IGSF11: variants seen among roughly 807,000 people sequenced by gnomAD.
The protein encoded by IGSF11 is CXADR like 1.
A neutral mutation model predicts 41.0 loss-of-function variants in IGSF11; 22 were observed. The observed-to-expected ratio is 0.54, with a 90% CI of 0.38 to 0.77. The LOEUF is 0.77. IGSF11 is among the 30% of genes least tolerant of loss of function. The pLI is 0.00. For synonymous variants in IGSF11, 219 were observed against 201.3 expected, an observed-to-expected ratio of 1.09 and a Z score of -0.74; for missense variants, 444 against 530.8, an observed-to-expected ratio of 0.84 and a Z score of 1.61.
At chr3:118,932,165 T>A (rs1942916297) in intron 1 of IGSF11, among the ~76,000 whole-genome samples, 1 of 152,214 alleles carries the variant, frequency 6.6e-6, no homozygotes, top group Admixed American at 6.5e-5. Flanking sequence ...ATAACTGTTT[T>A]CTCTTCTGCA....
chr3:119,025,138 G>A (rs941377917), intron 1 of IGSF11, among the ~76,000 whole-genome samples: 4 of 152,138 alleles, frequency 2.6e-5, no homozygotes, highest in Non-Finnish European at 5.9e-5. Flanking sequence ...GAGGGGGAGA[G>A]AGAGAGGAAA....
intron 4 of IGSF11, among the ~76,000 whole-genome samples, chr3:118,920,473 T>C (rs999470131): frequency 2.6e-5 from 4 of 152,078 alleles, no homozygotes; most frequent in Non-Finnish European, 5.9e-5. Flanking sequence ...AATCCAGATA[T>C]ATGTTGTTTA....
chr3:119,023,836 G>A (rs186365316), intron 1 of IGSF11, among the ~76,000 whole-genome samples: 7 of 152,268 alleles, frequency 4.6e-5, no homozygotes, highest in African/African-American at 1.4e-4. Flanking sequence ...GCTGAAGACT[G>A]CAAATTATTT....
At chr3:119,039,721 G>T (rs1207130834), upstream of IGSF11, among the ~76,000 whole-genome samples, 2 of 152,088 alleles carry the variant, frequency 1.3e-5, no homozygotes, top group Non-Finnish European at 2.9e-5. Flanking sequence ...GAATAGGCAG[G>T]AACATGTTTG....
At chr3:119,129,561 T>G (rs2077449937) in intron 1 of IGSF11, among the ~76,000 whole-genome samples, 1 of 152,198 alleles carries the variant, frequency 6.6e-6, no homozygotes, top group South Asian at 2.1e-4. Context: ...TGTAGAGATT[T>G]TATTAGTTTT....
intron 1 of IGSF11, among the ~76,000 whole-genome samples, chr3:119,001,930 A>C (rs954481980): frequency 1.5e-5 from 2 of 136,902 alleles, no homozygotes; most frequent in Non-Finnish European, 3.1e-5. Flanking sequence ...CGCAATAAAC[A>C]TAAGTGTGCA....
At chr3:119,046,959 C>T (rs981226757) in intron 1 of IGSF11, among the ~76,000 whole-genome samples, 1 of 144,680 alleles carries the variant, frequency 6.9e-6, no homozygotes, top group Non-Finnish European at 1.5e-5. Flanking sequence ...GAGATTTTGT[C>T]AACACCAGGC....
chr3:119,010,541 A>C (rs1576635423), intron 1 of IGSF11, among the ~76,000 whole-genome samples: 1 of 152,198 alleles, frequency 6.6e-6, no homozygotes, highest in African/African-American at 2.4e-5. Context: ...CGAAATAAAA[A>C]CAAAAGGCAG....
Position 118,901,516 on chromosome 3 carries a change from C to G in IGSF11, c.*1004G>C, listed in dbSNP as rs1237003058. ...AAGTTACATACCTCAGTACAAAAGGCATCAGGTGCTGCCCTCATTAATAGT... is the reference window on the plus strand; with the variant it reads ...AAGTTACATACCTCAGTACAAAAGGGATCAGGTGCTGCCCTCATTAATAGT... On this transcript the variant is annotated 3_prime_UTR_variant, in exon 7 of 7. Coordinates refer to ENST00000393775, the MANE Select transcript of IGSF11 (RefSeq NM_001015887.3). 6.6e-6 allele frequency: 1 copy of G among 152,182 alleles called. No homozygotes were observed. Among genetic ancestry groups the G allele is most frequent in the Non-Finnish European group, 1.5e-5 (1 of 68,030 alleles). 9.4% of individuals were successfully genotyped at this position (152,182 alleles called of 1,614,324 possible). A position where few individuals can be genotyped will look rare whatever the true frequency, so the allele number is the denominator to read the frequency against.
chr3:118,911,914 G>A (rs747751411), intron 4 of IGSF11, among the ~76,000 whole-genome samples: 5 of 132,100 alleles, frequency 3.8e-5, no homozygotes, highest in Non-Finnish European at 6.7e-5. Flanking sequence ...CTATAGCTAT[G>A]ATCTCTAAAG....
intron 3 of IGSF11, among the ~76,000 whole-genome samples, 168 bp downstream of exon 3, chr3:118,928,341 G>GA (rs1220881336): frequency 6.6e-6 from 1 of 152,182 alleles, no homozygotes; most frequent in Non-Finnish European, 1.5e-5. Context: ...AAAGGAGGGG[G>GA]AGACTATCTG....
chr3:119,008,635 G>A lies in IGSF11; in HGVS notation c.52+25896C>T, dbSNP rs1262951305. 2.0e-5 allele frequency among the ~76,000 whole-genome samples: 3 copies of A among 152,182 alleles called. No individual in the cohort carries two copies. In the East Asian group the frequency reaches 5.8e-4, roughly 29 times the overall value. On this transcript the variant is annotated intron_variant, in intron 1 of 6. Coordinates refer to ENST00000393775, the MANE Select transcript of IGSF11 (RefSeq NM_001015887.3). ...GTGATTCTGAATAAGTCCACAGAGT[G>A]TTCCTGAATTAGGGTATAATCTCTT... is the stretch of plus-strand genomic sequence containing the variant.
chr3:118,918,984 A>G, intron 4 of IGSF11, among the ~76,000 whole-genome samples: 1 of 116,848 alleles, frequency 8.6e-6, no homozygotes, highest in South Asian at 3.6e-4. Context: ...TCTTTGACAA[A>G]CCTGAGAAAA....
At chr3:118,956,750 GAAT>G (rs1354670235) in intron 1 of IGSF11, among the ~76,000 whole-genome samples, 1 of 152,128 alleles carries the variant, frequency 6.6e-6, no homozygotes, top group African/African-American at 2.4e-5. Context: ...AATAGACAGA[GAAT>G]AATGAGAAAG....
chr3:118,910,721 G>A (rs568173829), intron 4 of IGSF11, among the ~76,000 whole-genome samples: 30 of 152,112 alleles, frequency 2.0e-4, no homozygotes, highest in African/African-American at 6.3e-4. Flanking sequence ...AAATCCCCAC[G>A]AACCTTTATG....
At chr3:119,124,185 CAA>C (rs1559881024) in intron 1 of IGSF11, among the ~76,000 whole-genome samples, 1 of 146,232 alleles carries the variant, frequency 6.8e-6, no homozygotes, top group Non-Finnish European at 1.5e-5. Context: ...ATAAATTTAA[CAA>C]AGAGATTGAA....
intron 1 of IGSF11, among the ~76,000 whole-genome samples, chr3:119,023,016 C>G (rs1255282710): frequency 6.6e-6 from 1 of 151,900 alleles, no homozygotes; most frequent in African/African-American, 2.4e-5. Context: ...AACCCCCGCA[C>G]TTTGGGAGGT....
chr3:118,956,466 T>A (rs1356129783), intron 1 of IGSF11, among the ~76,000 whole-genome samples: 1 of 152,178 alleles, frequency 6.6e-6, no homozygotes, highest in Non-Finnish European at 1.5e-5. Context: ...AGCTCTTCCC[T>A]TTCACTTGAA....
intron 1 of IGSF11, among the ~76,000 whole-genome samples, chr3:118,996,891 G>A (rs1455655512): frequency 2.6e-5 from 4 of 152,058 alleles, no homozygotes; most frequent in African/African-American, 9.7e-5. Context: ...GAGCCACCGC[G>A]CCTGGCCGAG....
Sources: gnomAD v4.1 joint callset for allele counts (sites outside exome capture counted in the v4.1 genomes callset) on GRCh38, gnomAD v4.1.1 for gene constraint, MANE v1.5 for transcripts, NCBI Gene and HGNC (gene_info 2026-07-23, HGNC 2026-07-21) for gene names.